GNG2: variants seen among roughly 807,000 people sequenced by gnomAD.
GNG2 encodes guanine nucleotide-binding protein G(I)/G(S)/G(O) subunit gamma-2.
Under a neutral mutation model 5.5 loss-of-function variants are expected in GNG2, and 5 were observed. The ratio of observed to expected loss-of-function variants is 0.91; its 90% CI spans 0.48 to 1.92. GNG2 has a LOEUF of 1.92. Ranked by LOEUF, GNG2 falls within the 30% of genes most tolerant of loss-of-function variation. The probability of loss-of-function intolerance (pLI) is 0.01; values close to 1 mark genes in which losing one functional copy is unlikely to be tolerated. For synonymous variants in GNG2, 28 were observed against 32.0 expected (o/e 0.88, Z 0.42); for missense variants, 55 against 88.4 (o/e 0.62, Z 1.52).
At chr14:51,961,080 A>G (rs1413490913) in intron 3 of GNG2, among the ~76,000 whole-genome samples, 9 of 152,144 alleles carry the variant, frequency 5.9e-5, no homozygotes, top group Admixed American at 5.2e-4. Context: ...GGCAGGCAGT[A>G]AGCTGGGGCA....
At chr14:51,854,714 T>C (rs1882072837) in intron 2 of GNG2, among the ~76,000 whole-genome samples, 1 of 152,074 alleles carries the variant, frequency 6.6e-6, no homozygotes, top group South Asian at 2.1e-4. Flanking sequence ...GGTTTTGCCA[T>C]GTTGGCCAGG....
intron 2 of GNG2, among the ~76,000 whole-genome samples, chr14:51,911,012 G>A (rs1441139823): frequency 1.3e-5 from 2 of 152,162 alleles, no homozygotes; most frequent in Non-Finnish European, 2.9e-5. Context: ...ACTCACGTCA[G>A]TTTTGAGCCA....
intron 3 of GNG2, among the ~76,000 whole-genome samples, chr14:51,964,582 A>G (rs1248375272): frequency 6.6e-6 from 1 of 152,200 alleles, no homozygotes; most frequent in African/African-American, 2.4e-5. Context: ...CAGATGGAGC[A>G]GCCTCTGTCC....
rs577935934 is a variant in GNG2, at chr14:51,963,631, G to A, written c.88-2928G>A. Among the ~76,000 whole-genome samples the A allele has an allele frequency of 1.3e-4, 20 of 152,244 alleles. No homozygotes were observed. The East Asian group carries it at 2.9e-3, about 22-fold the overall frequency. ...TAAAGAATTTCAATTTCAACCTTTG[G>A]AACAAAGCCCACATTTGAGTAGTTT... On this transcript the variant is annotated intron_variant, in intron 3 of 3. Transcript: ENST00000556766.
chr14:51,966,461 G>A (rs1032584), intron 3 of GNG2, 98 bp from the exon 4 acceptor site: 58,501 of 1,042,948 alleles, frequency 0.056, 6,689 homozygotes, highest in East Asian at 0.39. Flanking sequence ...TTGCTTCATG[G>A]AGCAAGGATT....
chr14:51,870,494 G>A lies in GNG2; in HGVS notation c.-70-7123G>A, dbSNP rs907205559. Among the ~76,000 whole-genome samples the A allele has an allele frequency of 3.3e-5, 5 of 152,268 alleles. No homozygotes were observed. The East Asian group carries it at 9.6e-4, about 29-fold the overall frequency. ...TAATTAAATTGCATTTTCCTGACTG[G>A]TCATTTAAATCAATTTGGTCTATAT... On this transcript the variant is annotated intron_variant, in intron 1 of 3. Coordinates refer to ENST00000556766, the MANE Select transcript of GNG2 (RefSeq NM_053064.5).
chr14:51,859,861 G>T (rs1461215363), upstream of GNG2, among the ~76,000 whole-genome samples: 1 of 152,190 alleles, frequency 6.6e-6, no homozygotes, highest in Non-Finnish European at 1.5e-5. Flanking sequence ...GGAATGTGCA[G>T]CATTCAGCAC....
chr14:51,856,431 T>C (rs1020346166), upstream of GNG2, among the ~76,000 whole-genome samples: 6 of 152,184 alleles, frequency 3.9e-5, no homozygotes, highest in African/African-American at 1.2e-4. Flanking sequence ...ATATTTCTTT[T>C]CTTTTTTGTT....
intron 3 of GNG2, among the ~76,000 whole-genome samples, chr14:51,966,231 A>AAAAAG (rs1889899875): frequency 4.6e-5 from 5 of 108,496 alleles, no homozygotes; most frequent in East Asian, 2.6e-4. Context: ...AAAAAAAAAA[A>AAAAAG]AAAAAACAAA....
chr14:51,885,465 C>A lies in GNG2; in HGVS notation c.-30+7808C>A, dbSNP rs188014550. On this transcript the variant is annotated intron_variant, in intron 2 of 3. Transcript: ENST00000556766. ...GGGTCCTCCAGATTTTCTTTTGAGA[C>A]CTTCTTTCAAATACTCTTTTAAGTT... is the stretch of plus-strand genomic sequence containing the variant. Among the ~76,000 whole-genome samples, 70 of 152,082 alleles carry A rather than the reference C, an allele frequency of 4.6e-4. 1 individual carries two copies. Among genetic ancestry groups the A allele is most frequent in the African/African-American group, 1.7e-3 (69 of 41,472 alleles).
At chr14:51,828,457 G>A (rs944137217) in intron 2 of GNG2, among the ~76,000 whole-genome samples, 3 of 152,166 alleles carry the variant, frequency 2.0e-5, no homozygotes, top group Non-Finnish European at 4.4e-5. Context: ...GACTGATAAG[G>A]GGGCAGGAGG....
At chr14:51,888,767 G>A (rs941254731) in intron 2 of GNG2, among the ~76,000 whole-genome samples, 3 of 152,128 alleles carry the variant, frequency 2.0e-5, no homozygotes, top group South Asian at 2.1e-4. Context: ...GGTTGAGTAC[G>A]CAGCTGGAAT....
At chr14:51,914,034 A>G in intron 2 of GNG2, 1 of 525,354 alleles carries the variant, frequency 1.9e-6, no homozygotes, top group Non-Finnish European at 3.4e-6. Context: ...GTGTGCTTAA[A>G]ACTGGGAGTC....
intron 2 of GNG2, among the ~76,000 whole-genome samples, chr14:51,842,033 T>C (rs1296001597): frequency 6.6e-6 from 1 of 152,260 alleles, no homozygotes; most frequent in Non-Finnish European, 1.5e-5. Context: ...ATTTTCCTAT[T>C]GTCAAGAGGG....
intron 2 of GNG2, among the ~76,000 whole-genome samples, chr14:51,942,099 C>A (rs151004250): frequency 6.6e-6 from 1 of 152,056 alleles, no homozygotes; most frequent in African/African-American, 2.4e-5. Context: ...TTAGATAAGC[C>A]GGGACCAGAT....
intron 2 of GNG2, among the ~76,000 whole-genome samples, chr14:51,936,056 T>C (rs941210649): frequency 6.6e-6 from 1 of 152,188 alleles, no homozygotes; most frequent in Non-Finnish European, 1.5e-5. Context: ...TGGAGAGTCC[T>C]TCCTCTCATG....
chr14:51,942,674 T>C (rs1419607472), intron 2 of GNG2, among the ~76,000 whole-genome samples: 1 of 146,688 alleles, frequency 6.8e-6, no homozygotes, highest in Non-Finnish European at 1.5e-5. Flanking sequence ...TCCTCCCTTC[T>C]CAGCGCCCCC....
chr14:51,951,890 G>A (rs1199022216), intron 3 of GNG2: 2 of 702,198 alleles, frequency 2.8e-6, no homozygotes, highest in Non-Finnish European at 5.2e-6. Context: ...TTCACAGGAA[G>A]TTCACTGACC....
chr14:51,940,241 C>T (rs569068760), intron 2 of GNG2: 1 of 152,228 alleles, frequency 6.6e-6, no homozygotes, highest in African/African-American at 2.4e-5. Context: ...TTGACAAATT[C>T]ATTCTTCATC....
Sources: allele counts gnomAD v4.1 joint callset (sites outside exome capture counted in the v4.1 genomes callset), GRCh38; gene constraint gnomAD v4.1.1; transcripts MANE v1.5; gene names NCBI Gene and HGNC (gene_info 2026-07-23, HGNC 2026-07-21).